Variants in NCOA6 observed in about 807,000 individuals in gnomAD.
The protein encoded by NCOA6 is nuclear receptor coactivator 6.
NCOA6 carries 49 observed loss-of-function variants against 171.4 expected under a neutral mutation model. The observed-to-expected ratio is 0.29, with a 90% CI of 0.23 to 0.36. NCOA6 has a LOEUF of 0.36. Ranked by LOEUF, NCOA6 falls within the 10% of genes least tolerant of loss-of-function variation. The pLI, the probability that NCOA6 is intolerant of heterozygous loss-of-function variation, is 1.00. For synonymous variants in NCOA6, 910 were observed against 927.5 expected (o/e 0.98, Z 0.34); for missense variants, 2,248 against 2,554.5 (o/e 0.88, Z 2.59).
chr20:34,816,891 C>A (rs2078853408), intron 1 of NCOA6, among the ~76,000 whole-genome samples: 1 of 151,682 alleles, frequency 6.6e-6, no homozygotes. Context: ...GAGGCCGAGG[C>A]AGGTGGATCA....
At chr20:34,730,679 T>C (rs938949016) in intron 13 of NCOA6, among the ~76,000 whole-genome samples, 9 of 151,892 alleles carry the variant, frequency 5.9e-5, no homozygotes, top group African/African-American at 1.7e-4. Context: ...TATGCATTTA[T>C]TGACTATGCT....
intron 7 of NCOA6, among the ~76,000 whole-genome samples, chr20:34,756,028 C>T (rs946137964): frequency 6.6e-6 from 1 of 152,182 alleles, no homozygotes; most frequent in Non-Finnish European, 1.5e-5. Flanking sequence ...TGAGCCACTG[C>T]GCCTGGCCAT....
At chr20:34,809,738 G>T (rs1279753154) in intron 1 of NCOA6, among the ~76,000 whole-genome samples, 1 of 152,170 alleles carries the variant, frequency 6.6e-6, no homozygotes, top group Non-Finnish European at 1.5e-5. Flanking sequence ...AAGCCAAGGT[G>T]GGTGGATCAC....
chr20:34,816,807 A>C (rs796741717), intron 1 of NCOA6, among the ~76,000 whole-genome samples: 2 of 145,174 alleles, frequency 1.4e-5, no homozygotes, highest in African/African-American at 5.2e-5. Flanking sequence ...GTCTCCAAAA[A>C]CAAACAAACA....
intron 1 of NCOA6, among the ~76,000 whole-genome samples, chr20:34,803,545 A>G (rs1237818987): frequency 6.6e-6 from 1 of 152,174 alleles, no homozygotes; most frequent in Non-Finnish European, 1.5e-5. Flanking sequence ...TAAAAATAAA[A>G]TAATTGTGGC....
At chr20:34,821,866 C>T (rs1270244477) in intron 1 of NCOA6, among the ~76,000 whole-genome samples, 1 of 152,194 alleles carries the variant, frequency 6.6e-6, no homozygotes, top group African/African-American at 2.4e-5. Flanking sequence ...GGATTACAGG[C>T]GTGAGCCAAC....
rs755074564 is a variant in NCOA6, at chr20:34,758,826, G to A, written c.622C>T (p.Pro208Ser). The change falls in exon 6 of 15, where the codon CCT becomes TCT. Residue 208 changes from proline to serine, a missense_variant. Around this residue, in one of 7 missense-constraint regions of NCOA6, gnomAD observed 987 missense variants for 1,104.7 expected, o/e 0.89. Coordinates refer to ENST00000359003, the MANE Select transcript of NCOA6 (RefSeq NM_014071.5). ...GPNPELQPRT[P>S]RPASQSDAMD... ...TTACCTGACTGAGAAGCAGGGCGAG[G>A]AGTCCTGGGCTGCAGCTCTGGATTG... The A allele has an allele frequency of 5.0e-6, 8 of 1,612,558 alleles. No homozygotes were observed. In the East Asian group the frequency reaches 1.6e-4, roughly 31 times the overall value.
chr20:34,751,675 C>T (rs1029636263), intron 8 of NCOA6, among the ~76,000 whole-genome samples: 1 of 152,058 alleles, frequency 6.6e-6, no homozygotes, highest in Non-Finnish European at 1.5e-5. Flanking sequence ...CTCAGTGACC[C>T]TCTCCTGCGC....
Position 34,740,466 on chromosome 20 carries a change from T to G in NCOA6, c.5790A>C (p.Val1930=). 1.2e-6 allele frequency: 2 copies of G among 1,614,212 alleles called. No homozygotes were observed. The highest frequency in any genetic ancestry group is 1.7e-6 in the Non-Finnish European group (2 of 1,180,044). ...TLVPSELISA[V]PTTKSNHGGI... The stretch of plus-strand genomic sequence containing the variant: ...CACCATGATTGCTTTTTGTGGTCGG[T>G]ACGGCGGAGATGAGCTCGGAGGGTA... Residue 1930 remains valine (V), a synonymous_variant, in exon 11 of 15, where the codon GTA becomes GTC. Coordinates refer to ENST00000359003, the MANE Select transcript of NCOA6 (RefSeq NM_014071.5).
At chr20:34,725,250 C>T (rs1989824820) in intron 14 of NCOA6, among the ~76,000 whole-genome samples, 2 of 152,228 alleles carry the variant, frequency 1.3e-5, no homozygotes, top group Non-Finnish European at 1.5e-5. Flanking sequence ...CAAAATCAGA[C>T]ATAATCTCCT....
At chr20:34,734,202 G>C (rs6058112) in intron 12 of NCOA6, among the ~76,000 whole-genome samples, 128,697 of 151,978 alleles carry the variant, frequency 0.85, 54,664 homozygotes, top group Admixed American at 0.91. Context: ...GTAGCTGGGA[G>C]TATAGGCACG....
At chr20:34,793,001 T>G (rs1337856894) in intron 1 of NCOA6, among the ~76,000 whole-genome samples, 4 of 152,056 alleles carry the variant, frequency 2.6e-5, no homozygotes, top group African/African-American at 9.7e-5. Context: ...CAGGCTAGTC[T>G]TGAACTTCTG....
chr20:34,822,560 C>T (rs1568910944), intron 1 of NCOA6, among the ~76,000 whole-genome samples: 1 of 152,208 alleles, frequency 6.6e-6, no homozygotes. Context: ...TCTTCTTTGG[C>T]ATCGACCATC....
intron 2 of NCOA6, among the ~76,000 whole-genome samples, chr20:34,786,312 GATTT>G (rs1016739355): frequency 3.3e-5 from 5 of 152,042 alleles, no homozygotes; most frequent in African/African-American, 1.2e-4. Context: ...TGGATTCACT[GATTT>G]TTTGAAGGGT....
At chr20:34,771,840 T>C (rs1438229338) in intron 4 of NCOA6, among the ~76,000 whole-genome samples, 1 of 152,202 alleles carries the variant, frequency 6.6e-6, no homozygotes, top group African/African-American at 2.4e-5. Flanking sequence ...CCAACCATCT[T>C]ATCCAAGGTT....
chr20:34,777,254 C>T (rs944920989), intron 3 of NCOA6, among the ~76,000 whole-genome samples: 18 of 152,034 alleles, frequency 1.2e-4, no homozygotes, highest in Non-Finnish European at 4.4e-5. Context: ...TACCACCTCA[C>T]CACCATTACC....
chr20:34,745,576 T>C (rs2076277595), intron 10 of NCOA6, among the ~76,000 whole-genome samples: 1 of 152,216 alleles, frequency 6.6e-6, no homozygotes, highest in African/African-American at 2.4e-5. Context: ...TTTGTTTGGA[T>C]TCAATTTTAA....
intron 14 of NCOA6, among the ~76,000 whole-genome samples, chr20:34,721,972 T>C (rs1989396930): frequency 6.8e-6 from 1 of 147,056 alleles, no homozygotes; most frequent in Admixed American, 7.1e-5. Flanking sequence ...GGAGGCTTGC[T>C]TGAGCCCAAG....
rs377539218 is a variant in NCOA6 at position 34,806,596 on chromosome 20, G to C, written c.-163-14033C>G. 2.0e-5 allele frequency among the ~76,000 whole-genome samples: 3 copies of C among 152,272 alleles called. No homozygotes were observed. The East Asian group carries it at 5.8e-4, about 29-fold the overall frequency. On this transcript the variant is annotated intron_variant, in intron 1 of 14. Transcript: ENST00000359003. ...TGATTTTTGTATATGGTGAGAGATA[G>C]GGGTCTAGTTTCATTCTTCTCCATG...
Sources: gnomAD v4.1 joint callset for allele counts (sites outside exome capture counted in the v4.1 genomes callset) on GRCh38, gnomAD v4.1.1 for gene constraint, gnomAD v4.1.1 regional missense constraint, MANE v1.5 for transcripts, NCBI Gene and HGNC (gene_info 2026-07-23, HGNC 2026-07-21) for gene names.